FGF17: variants seen among roughly 807,000 people sequenced by gnomAD.
FGF17 encodes fibroblast growth factor 17.
Under a neutral mutation model 23.5 loss-of-function variants are expected in FGF17, and 5 were observed. That is an observed-to-expected ratio of 0.21 (90% confidence interval 0.11 to 0.45). The LOEUF is 0.45. FGF17 is among the 20% of genes least tolerant of loss of function. FGF17 has a pLI of 0.99. For synonymous variants in FGF17, 136 were observed against 123.0 expected, an observed-to-expected ratio of 1.11 and a Z score of -0.70; for missense variants, 221 against 306.9, an observed-to-expected ratio of 0.72 and a Z score of 2.09.
chr8:22,045,976 G>A (rs1800856739), intron 2 of FGF17, 138 bp from the exon 3 acceptor site: 44 of 1,564,724 alleles, frequency 2.8e-5, no homozygotes, highest in Non-Finnish European at 3.3e-5. Context: ...GAAGGCTATG[G>A]CCATATGCCC....
At chr8:22,042,804 GC>G (rs1312262188), upstream of FGF17, 3 of 719,456 alleles carry the variant, frequency 4.2e-6, no homozygotes, top group African/African-American at 1.8e-5. Flanking sequence ...TCTCCTCCTC[GC>G]CCCCCTGAAA....
chr8:22,045,777 T>G, intron 2 of FGF17: 1 of 1,234,336 alleles, frequency 8.1e-7, no homozygotes, highest in South Asian at 1.7e-5. Flanking sequence ...ATGAGCTGTG[T>G]GCCCCGTGCA....
At chr8:22,043,311 G>C in intron 2 of FGF17, 130 bp downstream of exon 2, 1 of 898,914 alleles carries the variant, frequency 1.1e-6, no homozygotes, top group South Asian at 1.4e-5. Flanking sequence ...AGGAGGCACT[G>C]AGGTTTGGAG....
intron 2 of FGF17, chr8:22,045,568 GT>G: frequency 1.0e-6 from 1 of 998,064 alleles, no homozygotes; most frequent in Non-Finnish European, 1.2e-6. Flanking sequence ...AGCTTTCAGA[GT>G]CCCCCACATG....
chr8:22,041,176 C>T (rs1800731211), upstream of FGF17, among the ~76,000 whole-genome samples: 1 of 152,166 alleles, frequency 6.6e-6, no homozygotes, highest in African/African-American at 2.4e-5. Context: ...TAAGCAAGGC[C>T]AGGGCTTGCC....
chr8:22,041,339 G>A (rs975651236), upstream of FGF17, among the ~76,000 whole-genome samples: 1 of 152,156 alleles, frequency 6.6e-6, no homozygotes, highest in Non-Finnish European at 1.5e-5. Context: ...AGCTCAGGAA[G>A]GTGAGAAGGG....
intron 2 of FGF17, chr8:22,045,350 C>A: frequency 2.0e-6 from 2 of 987,510 alleles, no homozygotes; most frequent in African/African-American, 3.5e-5. Flanking sequence ...CTTGGTACTG[C>A]CTCTGCCTCC....
At chr8:22,039,803 T>G (rs1415874213), upstream of FGF17, among the ~76,000 whole-genome samples, 1 of 152,040 alleles carries the variant, frequency 6.6e-6, no homozygotes, top group Non-Finnish European at 1.5e-5. Flanking sequence ...CCTTTGCCCT[T>G]CCCCTGCCCC....
upstream of FGF17, chr8:22,042,430 G>C: frequency 5.9e-6 from 1 of 170,918 alleles, no homozygotes; most frequent in Admixed American, 5.7e-5. Context: ...GACACCTGCG[G>C]CTCACCCTTG....
At position 22,042,902 on chromosome 8, in the gene FGF17, G is replaced by A. The variant is rs766728566; in HGVS notation, c.-27G>A. 3.7e-5 allele frequency: 60 copies of A among 1,612,662 alleles called. No homozygotes were observed. The highest frequency in any genetic ancestry group is 5.0e-5 in the Non-Finnish European group (59 of 1,179,484). On this transcript the variant is annotated 5_prime_UTR_variant, in exon 1 of 5. Transcript: ENST00000359441. ...TGCTCCTGAGCTTGGGGGCAGGGGG[G>A]CAACCGCCTGAGGAACCTCTCCAGC...
chr8:22,047,937 G>A lies in FGF17; in HGVS notation c.358-19G>A, dbSNP rs754498120. ...GGGTAGGTGGACAAATGCCCTTCCT[G>A]TCCTTGCTTCTCCCGCAGCCCAGCG... On this transcript the variant is annotated intron_variant, in intron 4 of 4. Transcript: ENST00000359441. 3 of 1,593,012 alleles carry A rather than the reference G, an allele frequency of 1.9e-6. No homozygotes were observed. The highest frequency in any genetic ancestry group is 1.7e-4 in the Middle Eastern group (1 of 5,998).
upstream of FGF17, among the ~76,000 whole-genome samples, chr8:22,041,355 C>T (rs1800734488): frequency 6.6e-6 from 1 of 152,166 alleles, no homozygotes; most frequent in African/African-American, 2.4e-5. Context: ...AAGGGACCCA[C>T]AGGTGAGAGT....
At chr8:22,041,837 G>C (rs753598094), upstream of FGF17, among the ~76,000 whole-genome samples, 1 of 152,180 alleles carries the variant, frequency 6.6e-6, no homozygotes, top group African/African-American at 2.4e-5. Context: ...GCATTGTACC[G>C]AGCAGTATGA....
intron 2 of FGF17, among the ~76,000 whole-genome samples, chr8:22,043,483 G>GAAGC (rs1261724853): frequency 6.6e-6 from 1 of 152,218 alleles, no homozygotes; most frequent in Non-Finnish European, 1.5e-5. Flanking sequence ...GGAGCGGTTG[G>GAAGC]AAGCAGGTGG....
rs750468005 is a variant in FGF17 at position 22,042,962 on chromosome 8, CTG to C, written c.35+1_35+2del. On this transcript the variant is annotated splice_donor_variant and coding_sequence_variant, in exon 1 of 5. Transcript: ENST00000359441. LOFTEE classifies it high-confidence loss of function. The stretch of plus-strand genomic sequence containing the variant: ...CGCCCGCCTGCTGCCCAACCTCACT[CTG>C]TAAGTGTGCTACCTCTCCCACTGGA... The C allele has an allele frequency of 6.2e-7, 1 of 1,613,252 alleles. No individual in the cohort carries two copies. Among genetic ancestry groups the C allele is most frequent in the Non-Finnish European group, 8.5e-7 (1 of 1,179,682 alleles).
Position 22,043,164 on chromosome 8 carries a change from C to T in FGF17, c.55C>T (p.Leu19Phe), listed in dbSNP as rs1427818108. 3 of 1,613,870 alleles carry T rather than the reference C, an allele frequency of 1.9e-6. No individual in the cohort carries two copies. The highest frequency in any genetic ancestry group is 1.7e-6 in the Non-Finnish European group (2 of 1,180,006). ...NLTLCLQLLI[L>F]CCQTQGENHP... ...ACACAGGTGCTTACAGCTGCTGATT[C>T]TCTGCTGTCAAACTCAGGTAGGCGG... is the stretch of plus-strand genomic sequence containing the variant. The change falls in exon 2 of 5, where the codon CTC (leucine) becomes TTC (phenylalanine). Residue 19 changes from leucine to phenylalanine, a missense_variant. By Grantham distance (22) the Leu-to-Phe change is conservative. Transcript: ENST00000359441.
At chr8:22,044,796 C>T in intron 2 of FGF17, 4 of 985,584 alleles carry the variant, frequency 4.1e-6, no homozygotes, top group Non-Finnish European at 4.8e-6. Flanking sequence ...ATGTCCAGCT[C>T]TGAGAGCTGC....
rs1250111762 is a variant in FGF17 at position 22,045,693 on chromosome 8, G to A, written c.73-421G>A. ...AAGGAATCTGGTTGTCCTGGCTAAT[G>A]GAGCATGTCCTTGGAGTTCTGGGGG... On this transcript the variant is annotated intron_variant, in intron 2 of 4. Transcript: ENST00000359441. 5 of 1,097,024 alleles carry A rather than the reference G, an allele frequency of 4.6e-6. No individual in the cohort carries two copies. In the Admixed American group the frequency reaches 1.9e-4, roughly 42 times the overall value. 68.0% of individuals were successfully genotyped at this position (1,097,024 alleles called of 1,614,324 possible).
In FGF17 at chr8:22,048,288, C is replaced by T. The variant is rs553481660; in HGVS notation, c.*39C>T. On this transcript the variant is annotated 3_prime_UTR_variant, in exon 5 of 5. Transcript: ENST00000359441. This position sits in a 1 kb window ranked among gnomAD's most constrained non-coding sequence, Gnocchi z 6.9. ...GGGCAGCAGCCCCTGGGCCGCCTCCCCACCCCTTTCCCTTCTTAATCCAAG... is the reference window on the plus strand; with the variant it reads ...GGGCAGCAGCCCCTGGGCCGCCTCCTCACCCCTTTCCCTTCTTAATCCAAG... 2 of 1,485,028 alleles carry T rather than the reference C, an allele frequency of 1.3e-6. No homozygotes were observed. The highest frequency in any genetic ancestry group is 1.4e-5 in the African/African-American group (1 of 71,884). 92.0% of individuals were successfully genotyped at this position (1,485,028 alleles called of 1,614,324 possible).
Sources: allele counts gnomAD v4.1 joint callset (sites outside exome capture counted in the v4.1 genomes callset), GRCh38; gene constraint gnomAD v4.1.1; non-coding constraint Gnocchi (gnomAD v3.1); transcripts MANE v1.5; gene names NCBI Gene and HGNC (gene_info 2026-07-23, HGNC 2026-07-21).